The following LRRC7 variants were observed in gnomAD, a reference collection of about 807,000 sequenced individuals.
The protein encoded by LRRC7 is leucine-rich repeat-containing protein 7.
A neutral mutation model predicts 175.7 loss-of-function variants in LRRC7; 23 were observed. That is an observed-to-expected ratio of 0.13 (90% CI 0.09 to 0.19). The LOEUF (loss-of-function observed/expected upper bound fraction) is 0.19, where lower values mean the gene tolerates loss of function less well. Among genes scored for constraint, LRRC7 ranks in the 10% least tolerant of loss-of-function variants. LRRC7 has a pLI of 1.00. For missense variants in LRRC7, 1,354 were observed against 1,904.7 expected, an observed-to-expected ratio of 0.71 and a Z score of 5.38; for synonymous variants, 685 against 680.9, an observed-to-expected ratio of 1.01 and a Z score of -0.09.
At chr1:70,119,536 T>C (rs1412449129) in intron 26 of LRRC7, among the ~76,000 whole-genome samples, 1 of 150,430 alleles carries the variant, frequency 6.6e-6, no homozygotes, top group Non-Finnish European at 1.5e-5. Flanking sequence ...AAAAAAATGC[T>C]TAAGTAATCA....
chr1:69,586,774 A>G (rs757730013), intron 1 of LRRC7, among the ~76,000 whole-genome samples: 10 of 152,172 alleles, frequency 6.6e-5, no homozygotes, highest in Non-Finnish European at 1.3e-4. Flanking sequence ...AGTGTTATTT[A>G]AGGCTGTAAT....
Position 70,011,833 on chromosome 1 carries a change from T to C in LRRC7, c.1041T>C (p.Asn347=). 1 of 1,572,154 alleles carries C rather than the reference T, an allele frequency of 6.4e-7. No individual in the cohort carries two copies. Among genetic ancestry groups the C allele is most frequent in the Non-Finnish European group, 8.8e-7 (1 of 1,142,648 alleles). Residue 347 remains asparagine, a synonymous_variant, in exon 12 of 27, where the codon AAT becomes AAC. Coordinates refer to ENST00000651989, the MANE Select transcript of LRRC7 (RefSeq NM_001370785.2). Reference sequence around the variant, plus strand: ...TAGAAGAATTTGACTGTAGCTGTAATGAACTGGAGTCACTACCTTCTACTA... The same window carrying C: ...TAGAAGAATTTGACTGTAGCTGTAACGAACTGGAGTCACTACCTTCTACTA... The part of the protein sequence containing the change: ...SLLEEFDCSC[N]ELESLPSTIG...
chr1:69,658,890 T>G (rs1657031960), intron 1 of LRRC7, among the ~76,000 whole-genome samples: 1 of 151,962 alleles, frequency 6.6e-6, no homozygotes, highest in South Asian at 2.1e-4. Flanking sequence ...TATAATTAAA[T>G]AAACCAACAA....
In LRRC7 at chr1:69,573,663, T is replaced by C. The variant is rs145916425; in HGVS notation, c.2+5022T>C. ...ATGCTAATTAAATTATTATTCATAATAGAAACATTATCATTTGTCATTCAA... is the reference window on the plus strand; with the variant it reads ...ATGCTAATTAAATTATTATTCATAACAGAAACATTATCATTTGTCATTCAA... On this transcript the variant is annotated intron_variant, in intron 1 of 26. Transcript: ENST00000651989. 2.1e-3 allele frequency among the ~76,000 whole-genome samples: 315 copies of C among 152,228 alleles called. 2 individuals carry two copies. The highest frequency in any genetic ancestry group is 7.3e-3 in the African/African-American group (302 of 41,562).
At chr1:69,994,225 G>A (rs2101911541) in intron 10 of LRRC7, among the ~76,000 whole-genome samples, 1 of 152,278 alleles carries the variant, frequency 6.6e-6, no homozygotes, top group South Asian at 2.1e-4. Context: ...TTAAATCACA[G>A]CTGGCTTGAA....
intron 2 of LRRC7, among the ~76,000 whole-genome samples, chr1:69,732,697 T>A (rs1410129400): frequency 6.6e-6 from 1 of 152,116 alleles, no homozygotes; most frequent in Non-Finnish European, 1.5e-5. Context: ...ATTTGGATTC[T>A]AAATTTTGAG....
In LRRC7 at chr1:70,012,368, T is replaced by G. The variant is rs1656587574; in HGVS notation, c.1134+442T>G. ...AAGAGATTCTGTTAATTTTTACATC[T>G]AAGTGGGATTTTACTTACTAATATC... is the stretch of plus-strand genomic sequence containing the variant. On this transcript the variant is annotated intron_variant, in intron 12 of 26. Transcript: ENST00000651989. 3.9e-5 allele frequency among the ~76,000 whole-genome samples: 6 copies of G among 151,944 alleles called. No individual in the cohort carries two copies. The South Asian group carries it at 1.2e-3, about 31-fold the overall frequency.
chr1:69,922,555 A>C (rs1424499254), intron 7 of LRRC7, among the ~76,000 whole-genome samples: 1 of 152,188 alleles, frequency 6.6e-6, no homozygotes, highest in Non-Finnish European at 1.5e-5. Flanking sequence ...TAAACTTGGG[A>C]GAAAATAGAA....
chr1:70,011,451 C>T (rs751108830), intron 11 of LRRC7, among the ~76,000 whole-genome samples: 2 of 152,124 alleles, frequency 1.3e-5, no homozygotes, highest in Non-Finnish European at 2.9e-5. Context: ...CTCCACCCTT[C>T]TCCTTACCCC....
chr1:70,058,306 G>A (rs149152265), intron 23 of LRRC7, among the ~76,000 whole-genome samples: 11 of 152,164 alleles, frequency 7.2e-5, no homozygotes, highest in African/African-American at 1.7e-4. Flanking sequence ...CACTGTGCCC[G>A]GCCCAAAATC....
At chr1:69,978,286 C>T (rs984921404) in intron 8 of LRRC7, among the ~76,000 whole-genome samples, 10 of 110,630 alleles carry the variant, frequency 9.0e-5, no homozygotes, top group African/African-American at 3.5e-4. Flanking sequence ...CCGTCGTCTG[C>T]GAGGAGAGGA....
At chr1:70,032,923 C>A (rs762676874) in intron 18 of LRRC7, among the ~76,000 whole-genome samples, 1 of 152,166 alleles carries the variant, frequency 6.6e-6, no homozygotes, top group Non-Finnish European at 1.5e-5. Context: ...AATGTACTTA[C>A]AATGGAATCC....
At chr1:69,640,369 AC>A (rs1311145703) in intron 1 of LRRC7, among the ~76,000 whole-genome samples, 2 of 151,692 alleles carry the variant, frequency 1.3e-5, no homozygotes, top group African/African-American at 4.8e-5. Context: ...AACAGTGTAA[AC>A]TTTTTGACTT....
At chr1:69,997,812 AT>A (rs1246121664) in intron 11 of LRRC7, among the ~76,000 whole-genome samples, 2 of 151,998 alleles carry the variant, frequency 1.3e-5, no homozygotes, top group Admixed American at 1.3e-4. Flanking sequence ...CCAGTATTTT[AT>A]TGAGGATTTT....
intron 23 of LRRC7, among the ~76,000 whole-genome samples, chr1:70,057,377 A>G (rs2102073126): frequency 6.6e-6 from 1 of 152,348 alleles, no homozygotes; most frequent in South Asian, 2.1e-4. Flanking sequence ...CGATAATTAT[A>G]CTATTAGTTA....
intron 8 of LRRC7, among the ~76,000 whole-genome samples, chr1:69,954,532 C>G (rs1265920083): frequency 1.3e-5 from 2 of 152,078 alleles, no homozygotes; most frequent in Admixed American, 6.6e-5. Flanking sequence ...CATCTGTTCA[C>G]AAATCCATAT....
At chr1:70,050,149 AC>A (rs1660642301) in intron 22 of LRRC7, among the ~76,000 whole-genome samples, 1 of 152,094 alleles carries the variant, frequency 6.6e-6, no homozygotes, top group African/African-American at 2.4e-5. Flanking sequence ...GCATGCACTT[AC>A]TCATACAAAT....
intron 8 of LRRC7, among the ~76,000 whole-genome samples, chr1:69,934,012 T>A (rs1647677278): frequency 6.6e-6 from 1 of 152,180 alleles, no homozygotes; most frequent in African/African-American, 2.4e-5. Flanking sequence ...AACTTTACAT[T>A]TCTGATGTTA....
chr1:69,690,126 T>C lies in LRRC7; in HGVS notation c.100+11648T>C, dbSNP rs551114014. On this transcript the variant is annotated intron_variant, in intron 2 of 26. Transcript: ENST00000651989. ...GTCCATAGCTTTGCTCCAGCCTCCA[T>C]AGTTATTTTTGCAGCCAAACCCTTC... is the stretch of plus-strand genomic sequence containing the variant. 2.6e-5 allele frequency among the ~76,000 whole-genome samples: 4 copies of C among 152,338 alleles called. 1 individual carries two copies. Among genetic ancestry groups the C allele is most frequent in the African/African-American group, 7.2e-5 (3 of 41,586 alleles).
Sources: allele counts gnomAD v4.1 joint callset (sites outside exome capture counted in the v4.1 genomes callset), GRCh38; gene constraint gnomAD v4.1.1; transcripts MANE v1.5; gene names NCBI Gene and HGNC (gene_info 2026-07-23, HGNC 2026-07-21).